PLCB1: variants seen among roughly 807,000 people sequenced by gnomAD.
The protein encoded by PLCB1 is phospholipase C beta 1.
A neutral mutation model predicts 161.8 loss-of-function variants in PLCB1; 46 were observed. That is an observed-to-expected ratio of 0.28 (90% CI 0.22 to 0.36). The LOEUF (loss-of-function observed/expected upper bound fraction) is 0.36, where lower values mean the gene tolerates loss of function less well. PLCB1 is among the 10% of genes least tolerant of loss of function. The probability of loss-of-function intolerance (pLI) is 1.00; values close to 1 mark genes in which losing one functional copy is unlikely to be tolerated. For missense variants in PLCB1, 1,016 were observed against 1,472.5 expected, an observed-to-expected ratio of 0.69 and a Z score of 5.07; for synonymous variants, 517 against 503.7, an observed-to-expected ratio of 1.03 and a Z score of -0.35.
chr20:8,522,118 G>T (rs904444243), intron 3 of PLCB1, among the ~76,000 whole-genome samples: 6 of 152,136 alleles, frequency 3.9e-5, no homozygotes. Context: ...CCTAAAGCTG[G>T]TATGCAAGGA....
chr20:8,280,642 T>C (rs1982831542), intron 2 of PLCB1, among the ~76,000 whole-genome samples: 1 of 152,200 alleles, frequency 6.6e-6, no homozygotes, highest in African/African-American at 2.4e-5. Flanking sequence ...TAAATATAAG[T>C]ATTGAATTTG....
chr20:8,639,743 G>A (rs1398859713), intron 4 of PLCB1, among the ~76,000 whole-genome samples: 1 of 152,164 alleles, frequency 6.6e-6, no homozygotes, highest in East Asian at 1.9e-4. Context: ...GCATTTGGCA[G>A]AAGGTCCCAG....
chr20:8,278,992 A>T (rs541827223), intron 2 of PLCB1, among the ~76,000 whole-genome samples: 1 of 152,154 alleles, frequency 6.6e-6, no homozygotes, highest in Non-Finnish European at 1.5e-5. Context: ...AAAAAAAACA[A>T]AACAGAAAAT....
Position 8,574,741 on chromosome 20 carries a change from C to G in PLCB1, c.247-53553C>G, listed in dbSNP as rs368207844. On this transcript the variant is annotated intron_variant, in intron 3 of 31. Coordinates refer to ENST00000338037, the MANE Select transcript of PLCB1 (RefSeq NM_015192.4). ...TTTCCCCACTGGAGGTGCAAGGGAGCTGGGATATTTATCCACCAACTTTCT... is the reference window on the plus strand; with the variant it reads ...TTTCCCCACTGGAGGTGCAAGGGAGGTGGGATATTTATCCACCAACTTTCT... Among the ~76,000 whole-genome samples the G allele has an allele frequency of 7.5e-5, 11 of 146,038 alleles. No individual in the cohort carries two copies. In the East Asian group the frequency reaches 2.1e-3, roughly 28 times the overall value.
intron 2 of PLCB1, among the ~76,000 whole-genome samples, chr20:8,363,275 G>T (rs1429304214): frequency 6.6e-6 from 1 of 152,014 alleles, no homozygotes; most frequent in Non-Finnish European, 1.5e-5. Flanking sequence ...ACCTGCTTAG[G>T]GTATCCTAAG....
At chr20:8,220,475 G>T (rs1248877179) in intron 2 of PLCB1, among the ~76,000 whole-genome samples, 1 of 152,104 alleles carries the variant, frequency 6.6e-6, no homozygotes, top group Non-Finnish European at 1.5e-5. Flanking sequence ...GGTTATATTG[G>T]ATCAGAGTGG....
rs952390743 is a variant in PLCB1, at chr20:8,569,892, A to G, written c.247-58402A>G. The stretch of plus-strand genomic sequence containing the variant: ...AATTACAATGTTTTATTTGCAAGGA[A>G]CAGAAAATCCAACTCTCACTGGCTT... On this transcript the variant is annotated intron_variant, in intron 3 of 31. Transcript: ENST00000338037. Among the ~76,000 whole-genome samples the G allele has an allele frequency of 2.0e-5, 3 of 152,160 alleles. No homozygotes were observed. In the South Asian group the frequency reaches 6.2e-4, roughly 31 times the overall value.
At chr20:8,835,005 T>C (rs1986225720) in intron 31 of PLCB1, among the ~76,000 whole-genome samples, 1 of 152,056 alleles carries the variant, frequency 6.6e-6, no homozygotes, top group Non-Finnish European at 1.5e-5. Context: ...TTGCTCAGGC[T>C]ACTGATTTAA....
chr20:8,689,665 G>A (rs1274279580), intron 10 of PLCB1, among the ~76,000 whole-genome samples: 2 of 152,014 alleles, frequency 1.3e-5, no homozygotes, highest in African/African-American at 4.8e-5. Flanking sequence ...ACTACAAAAT[G>A]TAGTTCAAAT....
At chr20:8,166,410 T>C (rs1380368135) in intron 2 of PLCB1, among the ~76,000 whole-genome samples, 2 of 152,186 alleles carry the variant, frequency 1.3e-5, no homozygotes, top group African/African-American at 2.4e-5. Flanking sequence ...ACTTTCTTTT[T>C]CTCCTACCTC....
chr20:8,157,462 C>T lies in PLCB1; in HGVS notation c.177+7091C>T, dbSNP rs773176594. On this transcript the variant is annotated intron_variant, in intron 2 of 31. Transcript: ENST00000338037. ...TTAGTGTTTTTGAGGATAGTTTAGC[C>T]ACTAAGCCAAGGTTCAGATTGCTGA... is the stretch of plus-strand genomic sequence containing the variant. 4.6e-5 allele frequency among the ~76,000 whole-genome samples: 7 copies of T among 152,334 alleles called. No individual in the cohort carries two copies. The East Asian group carries it at 9.6e-4, about 21-fold the overall frequency.
chr20:8,435,910 C>G (rs1980279416), intron 3 of PLCB1, among the ~76,000 whole-genome samples: 1 of 152,164 alleles, frequency 6.6e-6, no homozygotes, highest in Non-Finnish European at 1.5e-5. Flanking sequence ...ATGAACTCTC[C>G]TAAGATTTCA....
At chr20:8,480,389 A>C (rs1461482619) in intron 3 of PLCB1, among the ~76,000 whole-genome samples, 1 of 152,218 alleles carries the variant, frequency 6.6e-6, no homozygotes. Context: ...TTGAAAAAAT[A>C]TGTCAGGTCC....
intron 3 of PLCB1, among the ~76,000 whole-genome samples, chr20:8,452,603 G>C (rs1432745099): frequency 6.6e-6 from 1 of 152,170 alleles, no homozygotes; most frequent in African/African-American, 2.4e-5. Context: ...AACAAATAAT[G>C]ATTTGTGTGC....
chr20:8,396,200 G>C (rs1987764181), intron 3 of PLCB1, among the ~76,000 whole-genome samples: 1 of 151,990 alleles, frequency 6.6e-6, no homozygotes, highest in Admixed American at 6.6e-5. Context: ...TACAGAAGTG[G>C]GGAGCTGAAA....
At chr20:8,661,315 G>A (rs1989615229) in intron 9 of PLCB1, among the ~76,000 whole-genome samples, 1 of 152,068 alleles carries the variant, frequency 6.6e-6, no homozygotes, top group Admixed American at 6.6e-5. Flanking sequence ...TTGCCTAGTG[G>A]TCTCTGTACA....
chr20:8,542,476 T>A (rs1373300483), intron 3 of PLCB1, among the ~76,000 whole-genome samples: 1 of 152,216 alleles, frequency 6.6e-6, no homozygotes, highest in Non-Finnish European at 1.5e-5. Flanking sequence ...AAGGTGCTTC[T>A]TGGCTGTGAA....
intron 2 of PLCB1, among the ~76,000 whole-genome samples, chr20:8,255,679 T>C (rs1600265875): frequency 1.3e-5 from 2 of 152,014 alleles, no homozygotes; most frequent in South Asian, 4.1e-4. Context: ...ATAAAAAATA[T>C]ACCAAGGAAA....
At chr20:8,487,567 A>G (rs531550276) in intron 3 of PLCB1, among the ~76,000 whole-genome samples, 1 of 152,278 alleles carries the variant, frequency 6.6e-6, no homozygotes, top group East Asian at 1.9e-4. Flanking sequence ...GCTGTCCTCT[A>G]CTTCTCCTGG....
Sources: allele counts gnomAD v4.1 joint callset (sites outside exome capture counted in the v4.1 genomes callset), GRCh38; gene constraint gnomAD v4.1.1; transcripts MANE v1.5; gene names NCBI Gene and HGNC (gene_info 2026-07-23, HGNC 2026-07-21).